The following MSTO1 variants were observed in gnomAD, a reference collection of about 807,000 sequenced individuals.
MSTO1 encodes protein misato homolog 1.
A neutral mutation model predicts 55.7 loss-of-function variants in MSTO1; 24 were observed. That is an observed-to-expected ratio of 0.43 (90% CI 0.31 to 0.61). MSTO1 has a LOEUF of 0.61. Among genes scored for constraint, MSTO1 ranks in the 20% least tolerant of loss-of-function variants. The probability of loss-of-function intolerance (pLI) is 0.09; values close to 1 mark genes in which losing one functional copy is unlikely to be tolerated. For synonymous variants in MSTO1, 162 were observed against 252.8 expected, an observed-to-expected ratio of 0.64 and a Z score of 3.41; for missense variants, 363 against 625.7, an observed-to-expected ratio of 0.58 and a Z score of 4.48.
At chr1:155,564,665 C>G in the MSTO1 span, among the ~76,000 whole-genome samples, 9 of 152,232 alleles carry the variant, frequency 5.9e-5, no homozygotes, top group East Asian at 1.7e-3. Flanking sequence ...TAACCAAGTC[C>G]CACACTTTCA....
intron 2 of MSTO1, chr1:155,610,810 GT>G: frequency 4.3e-6 from 1 of 230,032 alleles, no homozygotes; most frequent in South Asian, 3.3e-5. Flanking sequence ...CCTGGATGTG[GT>G]TCCCCCCGCG....
upstream of MSTO1, among the ~76,000 whole-genome samples, chr1:155,609,331 C>T (rs1571208496): frequency 6.9e-6 from 1 of 143,906 alleles, no homozygotes; most frequent in Admixed American, 7.1e-5. Flanking sequence ...CTGCAAGCTC[C>T]GCCTCCCGGG....
At chr1:155,590,686 G>A in the MSTO1 span, 2 of 1,502,056 alleles carry the variant, frequency 1.3e-6, no homozygotes, top group South Asian at 2.6e-5. Flanking sequence ...GTAATGGCTG[G>A]GGCCCCGTGA....
rs544342032 is a variant in MSTO1, at chr1:155,614,458, A to G, written c.*185A>G. On this transcript the variant is annotated 3_prime_UTR_variant, in exon 14 of 14. Transcript: ENST00000245564. ...AATATGTGCCATCAGACCAAAAAAA[A>G]GTAGAGAAAGGAGCTGAACTCCACT... 20 of 609,108 alleles carry G rather than the reference A, an allele frequency of 3.3e-5. No homozygotes were observed. Among genetic ancestry groups the G allele is most frequent in the African/African-American group, 2.8e-4 (15 of 53,920 alleles). The allele number at this position is 609,108 out of a possible 1,614,324, so 37.7% of individuals were successfully genotyped here.
chr1:155,571,665 C>T, the MSTO1 span, among the ~76,000 whole-genome samples: 12 of 152,162 alleles, frequency 7.9e-5, no homozygotes, highest in African/African-American at 2.9e-4. Flanking sequence ...CTCTAGGAAT[C>T]CAAACCTGGG....
At chr1:155,584,670 CAAAAA>C in the MSTO1 span, among the ~76,000 whole-genome samples, 118 of 72,872 alleles carry the variant, frequency 1.6e-3, no homozygotes, top group South Asian at 2.4e-3. Flanking sequence ...GAGCTTGTCT[CAAAAA>C]AAAAAAAAAA....
At chr1:155,606,198 CTTTTTTTTTTTTTTTTTTTTTTT>C (rs747681932), upstream of MSTO1, among the ~76,000 whole-genome samples, 2 of 28,090 alleles carry the variant, frequency 7.1e-5, no homozygotes, top group African/African-American at 2.0e-4. Flanking sequence ...CATGCCCAGC[CTTTTTTTTTTTTTTTTTTTTTTT>C]TTTTTTTTTG....
At chr1:155,575,440 G>C in the MSTO1 span, among the ~76,000 whole-genome samples, 1 of 151,836 alleles carries the variant, frequency 6.6e-6, no homozygotes, top group African/African-American at 2.4e-5. Context: ...CAAATCTTTT[G>C]CCTTTTTTTT....
the MSTO1 span, among the ~76,000 whole-genome samples, chr1:155,578,835 T>G: frequency 6.7e-6 from 1 of 148,434 alleles, no homozygotes; most frequent in East Asian, 2.0e-4. Flanking sequence ...TTTGTTTTTT[T>G]TTTTTTCAGT....
chr1:155,611,347 T>C, intron 4 of MSTO1, 56 bp downstream of exon 4: 7 of 1,613,788 alleles, frequency 4.3e-6, no homozygotes, highest in South Asian at 1.1e-5. Flanking sequence ...AGGGTCTCCA[T>C]AGGGGCAGGT....
the MSTO1 span, among the ~76,000 whole-genome samples, chr1:155,573,425 A>C: frequency 6.6e-6 from 1 of 152,050 alleles, no homozygotes; most frequent in South Asian, 2.1e-4. Context: ...ATTAGCTGGG[A>C]ATGGTGGCAC....
At chr1:155,573,002 A>G in the MSTO1 span, among the ~76,000 whole-genome samples, 1 of 152,154 alleles carries the variant, frequency 6.6e-6, no homozygotes, top group African/African-American at 2.4e-5. Flanking sequence ...GTATGTCCTC[A>G]TTAAAGTTAG....
the MSTO1 span, chr1:155,566,106 T>C: frequency 2.6e-5 from 4 of 152,244 alleles, no homozygotes; most frequent in Non-Finnish European, 5.9e-5. Context: ...TGGAAAAGCA[T>C]GTAAGCTGCC....
chr1:155,598,113 C>T, the MSTO1 span, among the ~76,000 whole-genome samples: 1 of 151,988 alleles, frequency 6.6e-6, no homozygotes, highest in Admixed American at 6.6e-5. Context: ...CCACTACACC[C>T]GGCCAGAATT....
the MSTO1 span, among the ~76,000 whole-genome samples, chr1:155,574,923 G>A: frequency 2.7e-5 from 4 of 146,630 alleles, no homozygotes; most frequent in Non-Finnish European, 5.9e-5. Context: ...TTGGAGTGCA[G>A]TGGCACTATT....
chr1:155,584,208 T>C, the MSTO1 span, among the ~76,000 whole-genome samples: 1 of 151,952 alleles, frequency 6.6e-6, no homozygotes, highest in Admixed American at 6.6e-5. Flanking sequence ...CTACAAAATA[T>C]AAAAGCCAGG....
Position 155,612,303 on chromosome 1 carries a change from C to A in MSTO1, c.800C>A (p.Pro267His), listed in dbSNP as rs1417244983. 1.3e-6 allele frequency: 2 copies of A among 1,582,636 alleles called. No homozygotes were observed. The highest frequency in any genetic ancestry group is 1.7e-6 in the Non-Finnish European group (2 of 1,163,172). ...GIITWGLLPG[P>H]YHRGEAQRNI... ...ATAACCTGGGGCCTGCTACCTGGTC[C>A]CTACCATCGTGGGGTGAGTGGAACT... Residue 267 changes from proline to histidine, a missense_variant, in exon 8 of 14, where the codon CCC becomes CAC. By Grantham distance (77) the Pro-to-His change is moderately conservative. Coordinates refer to ENST00000245564, the MANE Select transcript of MSTO1 (RefSeq NM_018116.4).
the MSTO1 span, among the ~76,000 whole-genome samples, chr1:155,582,918 C>T: frequency 6.6e-6 from 1 of 150,942 alleles, no homozygotes; most frequent in Non-Finnish European, 1.5e-5. Flanking sequence ...CACTCTGTTG[C>T]CCAGGCTGGA....
the MSTO1 span, among the ~76,000 whole-genome samples, chr1:155,589,015 C>A: frequency 6.6e-6 from 1 of 152,090 alleles, no homozygotes; most frequent in Non-Finnish European, 1.5e-5. Flanking sequence ...AATTTCCTCT[C>A]GGCCGGGCAC....
Sources: gnomAD v4.1 joint callset for allele counts (sites outside exome capture counted in the v4.1 genomes callset) on GRCh38, gnomAD v4.1.1 for gene constraint, MANE v1.5 for transcripts, NCBI Gene and HGNC (gene_info 2026-07-23, HGNC 2026-07-21) for gene names.